Variants in C8orf34 observed in about 807,000 individuals in gnomAD.
The protein encoded by C8orf34 is chromosome 8 open reading frame 34.
A neutral mutation model predicts 68.3 loss-of-function variants in C8orf34; 65 were observed. That is an observed-to-expected ratio of 0.95 (90% CI 0.78 to 1.17). The LOEUF is 1.17. C8orf34 is among the 50% of genes most tolerant of loss of function. C8orf34 has a pLI of 0.00. For synonymous variants in C8orf34, 244 were observed against 241.2 expected (o/e 1.01, Z -0.11); for missense variants, 664 against 655.4 (o/e 1.01, Z -0.14).
At chr8:68,348,042 T>A (rs1360490694) in intron 1 of C8orf34, among the ~76,000 whole-genome samples, 1 of 152,128 alleles carries the variant, frequency 6.6e-6, no homozygotes, top group Non-Finnish European at 1.5e-5. Context: ...TGCCCATTCC[T>A]GTGTCCACGG....
At chr8:68,551,189 A>T (rs139784773) in intron 7 of C8orf34, among the ~76,000 whole-genome samples, 432 of 151,604 alleles carry the variant, frequency 2.8e-3, no homozygotes, top group African/African-American at 9.4e-3. Flanking sequence ...GAATATGCTG[A>T]TGTGATTTTT....
At chr8:68,616,031 G>A (rs1353618351) in intron 7 of C8orf34, among the ~76,000 whole-genome samples, 1 of 151,188 alleles carries the variant, frequency 6.6e-6, no homozygotes, top group Admixed American at 6.6e-5. Context: ...GGGTGTACGT[G>A]TCGAGGAATT....
chr8:68,691,638 T>C (rs1336106034), intron 8 of C8orf34, among the ~76,000 whole-genome samples: 1 of 152,128 alleles, frequency 6.6e-6, no homozygotes, highest in Non-Finnish European at 1.5e-5. Context: ...TAGTTATCAC[T>C]GTGGTTCATG....
intron 7 of C8orf34, among the ~76,000 whole-genome samples, chr8:68,554,623 G>A (rs1353676783): frequency 6.6e-6 from 1 of 152,038 alleles, no homozygotes; most frequent in Non-Finnish European, 1.5e-5. Flanking sequence ...ATTGCTACAG[G>A]TTAAGCCACC....
At chr8:68,678,136 C>T (rs1820249384) in intron 8 of C8orf34, among the ~76,000 whole-genome samples, 1 of 152,048 alleles carries the variant, frequency 6.6e-6, no homozygotes, top group South Asian at 2.1e-4. Context: ...TGAATTTTAC[C>T]AAACATTTGA....
intron 1 of C8orf34, among the ~76,000 whole-genome samples, chr8:68,408,714 C>T (rs1261634069): frequency 6.6e-6 from 1 of 152,200 alleles, no homozygotes; most frequent in Non-Finnish European, 1.5e-5. Context: ...GCCCTCATAA[C>T]ATCCATTATG....
chr8:68,436,468 T>C (rs1019660442), intron 1 of C8orf34, among the ~76,000 whole-genome samples: 9 of 152,164 alleles, frequency 5.9e-5, no homozygotes, highest in African/African-American at 2.2e-4. Flanking sequence ...CCTGAGTACT[T>C]AGTCTAAAAT....
intron 12 of C8orf34, among the ~76,000 whole-genome samples, chr8:68,802,377 G>A (rs969709150): frequency 6.6e-6 from 1 of 152,146 alleles, no homozygotes; most frequent in Admixed American, 6.5e-5. Context: ...TGGGATTACA[G>A]GCGTGAGCCA....
chr8:68,517,331 A>T (rs1273329762), intron 5 of C8orf34, among the ~76,000 whole-genome samples: 1 of 152,190 alleles, frequency 6.6e-6, no homozygotes, highest in Non-Finnish European at 1.5e-5. Flanking sequence ...AAAATTTTTC[A>T]GAAATATATA....
intron 10 of C8orf34, among the ~76,000 whole-genome samples, chr8:68,743,924 G>A (rs571955094): frequency 0.012 from 1,848 of 152,184 alleles, 40 homozygotes; most frequent in African/African-American, 0.042. Flanking sequence ...CTCCACCTCT[G>A]GGGGCAGGGC....
chr8:68,485,498 G>A (rs1245009282), intron 4 of C8orf34, among the ~76,000 whole-genome samples: 1 of 152,026 alleles, frequency 6.6e-6, no homozygotes, highest in Non-Finnish European at 1.5e-5. Context: ...CGGATCACGA[G>A]GTCAGGAGTT....
At chr8:68,733,930 A>G (rs1258191845) in intron 10 of C8orf34, among the ~76,000 whole-genome samples, 2 of 152,196 alleles carry the variant, frequency 1.3e-5, no homozygotes, top group Non-Finnish European at 2.9e-5. Flanking sequence ...AAAATGTATT[A>G]GTATTTCTCA....
At chr8:68,493,319 T>C (rs974015670) in intron 5 of C8orf34, among the ~76,000 whole-genome samples, 9 of 152,056 alleles carry the variant, frequency 5.9e-5, no homozygotes, top group Non-Finnish European at 1.3e-4. Context: ...GGGCAAAGGA[T>C]TGAGTAGACA....
intron 1 of C8orf34, among the ~76,000 whole-genome samples, chr8:68,395,097 T>A (rs763748978): frequency 1.2e-4 from 18 of 152,082 alleles, no homozygotes; most frequent in Non-Finnish European, 2.1e-4. Context: ...AGAACATTCC[T>A]AAATGTCAAA....
chr8:68,727,435 G>T (rs1372840592), intron 10 of C8orf34, among the ~76,000 whole-genome samples: 2 of 152,140 alleles, frequency 1.3e-5, no homozygotes, highest in Non-Finnish European at 2.9e-5. Flanking sequence ...CATGGCGCAA[G>T]CTGTCAGTGG....
At position 68,685,925 on chromosome 8, in the gene C8orf34, C is replaced by T. The variant is rs114752168; in HGVS notation, c.1242-23069C>T. 6.0e-3 allele frequency among the ~76,000 whole-genome samples: 906 copies of T among 150,176 alleles called. 13 individuals carry two copies. The highest frequency in any genetic ancestry group is 0.021 in the African/African-American group (843 of 40,860). On this transcript the variant is annotated intron_variant, in intron 8 of 13. Coordinates refer to ENST00000518698, the MANE Select transcript of C8orf34 (RefSeq NM_052958.4). ...AAATAAATAAATAAATAAATAAATG[C>T]TGATCAATTAGAAGTAAAACTAGAG...
intron 3 of C8orf34, among the ~76,000 whole-genome samples, chr8:68,459,422 G>C (rs1452051649): frequency 6.6e-6 from 1 of 151,944 alleles, no homozygotes; most frequent in Non-Finnish European, 1.5e-5. Flanking sequence ...TAGTAGAGAT[G>C]GGGTTTCTCC....
At chr8:68,721,140 T>C (rs1418733746) in intron 9 of C8orf34, among the ~76,000 whole-genome samples, 1 of 152,008 alleles carries the variant, frequency 6.6e-6, no homozygotes, top group Non-Finnish European at 1.5e-5. Flanking sequence ...TCTTGCCCAT[T>C]CCTGACATTA....
intron 10 of C8orf34, among the ~76,000 whole-genome samples, chr8:68,744,054 C>G (rs1236170543): frequency 6.6e-6 from 1 of 152,180 alleles, no homozygotes; most frequent in Non-Finnish European, 1.5e-5. Flanking sequence ...GGCAGACTGC[C>G]TCCTCAAGTG....
Sources: gnomAD v4.1 joint callset for allele counts (sites outside exome capture counted in the v4.1 genomes callset) on GRCh38, gnomAD v4.1.1 for gene constraint, MANE v1.5 for transcripts, NCBI Gene and HGNC (gene_info 2026-07-23, HGNC 2026-07-21) for gene names.